The following LRRTM4 variants were observed in gnomAD, a reference collection of about 807,000 sequenced individuals.
LRRTM4 encodes the protein leucine-rich repeat transmembrane neuronal protein 4.
In LRRTM4, 25 loss-of-function variants were observed where a neutral mutation model predicts 47.6. The observed-to-expected ratio is 0.53, with a 90% confidence interval of 0.38 to 0.73. The LOEUF is 0.73. Ranked by LOEUF, LRRTM4 falls within the 30% of genes least tolerant of loss-of-function variation. The pLI is 0.00. For missense variants in LRRTM4, 638 were observed against 713.4 expected (o/e 0.89, Z 1.20); for synonymous variants, 311 against 269.5 (o/e 1.15, Z -1.51).
chr2:77,223,112 CAAT>C (rs1674691889), intron 3 of LRRTM4, among the ~76,000 whole-genome samples: 1 of 151,908 alleles, frequency 6.6e-6, no homozygotes, highest in African/African-American at 2.4e-5. Context: ...AAAAACCACA[CAAT>C]TATACCAATA....
At chr2:77,476,691 T>C (rs889116747) in intron 3 of LRRTM4, among the ~76,000 whole-genome samples, 12 of 152,148 alleles carry the variant, frequency 7.9e-5, no homozygotes, top group African/African-American at 2.9e-4. Flanking sequence ...ACAATTGTTA[T>C]GCTAAAGCGA....
At chr2:77,374,364 A>T (rs1672755657) in intron 3 of LRRTM4, among the ~76,000 whole-genome samples, 1 of 151,802 alleles carries the variant, frequency 6.6e-6, no homozygotes, top group African/African-American at 2.4e-5. Flanking sequence ...TTTCACAAAG[A>T]TGTTAAAAAA....
chr2:76,895,541 G>T (rs1485766376), intron 3 of LRRTM4, among the ~76,000 whole-genome samples: 1 of 151,980 alleles, frequency 6.6e-6, no homozygotes, highest in African/African-American at 2.4e-5. Flanking sequence ...CCCAGTTGTG[G>T]CTTCTCGCAA....
chr2:76,849,704 T>C (rs1671936539), intron 3 of LRRTM4, among the ~76,000 whole-genome samples: 1 of 152,050 alleles, frequency 6.6e-6, no homozygotes, highest in Non-Finnish European at 1.5e-5. Flanking sequence ...AAGTCAAAAT[T>C]CCTTTAAAAC....
intron 3 of LRRTM4, among the ~76,000 whole-genome samples, chr2:76,793,423 C>G (rs1369198061): frequency 6.6e-6 from 1 of 151,996 alleles, no homozygotes; most frequent in African/African-American, 2.4e-5. Context: ...TATCAACTTC[C>G]AAAGCAAAAG....
chr2:76,821,425 T>G (rs542019762), intron 3 of LRRTM4, among the ~76,000 whole-genome samples: 2 of 151,726 alleles, frequency 1.3e-5, no homozygotes, highest in Non-Finnish European at 3.0e-5. Flanking sequence ...TAGTTTATTT[T>G]CCTCCTGAGT....
At chr2:77,149,120 C>A (rs1328306568) in intron 3 of LRRTM4, among the ~76,000 whole-genome samples, 8 of 151,988 alleles carry the variant, frequency 5.3e-5, no homozygotes. Context: ...ACGCACATGG[C>A]CATTGAGCAT....
At chr2:76,845,826 T>C (rs1228485545) in intron 3 of LRRTM4, among the ~76,000 whole-genome samples, 1 of 152,088 alleles carries the variant, frequency 6.6e-6, no homozygotes, top group African/African-American at 2.4e-5. Flanking sequence ...AACACAACTC[T>C]GGTTCAATGC....
At chr2:76,797,351 T>C (rs945431099) in intron 3 of LRRTM4, among the ~76,000 whole-genome samples, 3 of 152,012 alleles carry the variant, frequency 2.0e-5, no homozygotes, top group African/African-American at 7.2e-5. Context: ...CAGAATTGCA[T>C]ATCCAGCCAA....
At chr2:77,020,784 G>A (rs1678239459) in intron 3 of LRRTM4, among the ~76,000 whole-genome samples, 1 of 152,154 alleles carries the variant, frequency 6.6e-6, no homozygotes, top group Admixed American at 6.6e-5. Context: ...AGCCATGAGT[G>A]AAGTCAACAA....
At chr2:77,114,515 T>G (rs1410810950) in intron 3 of LRRTM4, among the ~76,000 whole-genome samples, 2 of 152,080 alleles carry the variant, frequency 1.3e-5, no homozygotes, top group African/African-American at 4.8e-5. Flanking sequence ...AGACGAACAT[T>G]TCTCTGCACC....
chr2:77,183,015 T>C (rs1460527292), intron 3 of LRRTM4, among the ~76,000 whole-genome samples: 2 of 152,184 alleles, frequency 1.3e-5, no homozygotes, highest in African/African-American at 2.4e-5. Flanking sequence ...ATTCAGGACA[T>C]AGGCATGGGC....
intron 3 of LRRTM4, among the ~76,000 whole-genome samples, chr2:77,368,278 C>T (rs1672531398): frequency 1.3e-5 from 2 of 151,628 alleles, no homozygotes; most frequent in Non-Finnish European, 3.0e-5. Context: ...ATGATTTCTA[C>T]ATTGTGGTTT....
chr2:77,000,856 G>A (rs143588865), intron 3 of LRRTM4, among the ~76,000 whole-genome samples: 1 of 151,904 alleles, frequency 6.6e-6, no homozygotes, highest in Non-Finnish European at 1.5e-5. Context: ...GGCTGTGGAG[G>A]GACCTTTCAC....
chr2:77,319,720 A>G (rs991847105), intron 3 of LRRTM4, among the ~76,000 whole-genome samples: 1 of 152,264 alleles, frequency 6.6e-6, no homozygotes, highest in Non-Finnish European at 1.5e-5. Context: ...TTTCTGAACA[A>G]TTAACAATTG....
chr2:76,829,863 C>T (rs531434143), intron 3 of LRRTM4, among the ~76,000 whole-genome samples: 2 of 152,132 alleles, frequency 1.3e-5, no homozygotes, highest in South Asian at 2.1e-4. Context: ...GTCACTTAGA[C>T]ATTTTGACCA....
chr2:76,857,869 A>G (rs1672201470), intron 3 of LRRTM4, among the ~76,000 whole-genome samples: 1 of 152,184 alleles, frequency 6.6e-6, no homozygotes, highest in Non-Finnish European at 1.5e-5. Context: ...CCAACAATGA[A>G]GAAATACTTA....
At chr2:76,957,073 T>C (rs1675699325) in intron 3 of LRRTM4, among the ~76,000 whole-genome samples, 1 of 151,808 alleles carries the variant, frequency 6.6e-6, no homozygotes, top group Non-Finnish European at 1.5e-5. Flanking sequence ...AATGAAATAT[T>C]ATTTGGCAAG....
At chr2:77,514,061 C>T (rs150347080) in intron 3 of LRRTM4, among the ~76,000 whole-genome samples, 1 of 151,924 alleles carries the variant, frequency 6.6e-6, no homozygotes, top group Non-Finnish European at 1.5e-5. Flanking sequence ...CACACAAACA[C>T]ACACACACAT....
Sources: allele counts gnomAD v4.1 joint callset (sites outside exome capture counted in the v4.1 genomes callset), GRCh38; gene constraint gnomAD v4.1.1; transcripts MANE v1.5; gene names NCBI Gene and HGNC (gene_info 2026-07-23, HGNC 2026-07-21).